Variants in CCDC180 observed in about 807,000 individuals in gnomAD.
CCDC180 encodes coiled-coil domain-containing protein 180.
A neutral mutation model predicts 209.2 loss-of-function variants in CCDC180; 154 were observed. The observed-to-expected ratio is 0.74, with a 90% CI of 0.65 to 0.84. The LOEUF (loss-of-function observed/expected upper bound fraction) is 0.84. Among genes scored for constraint, CCDC180 ranks in the 40% least tolerant of loss-of-function variants. The probability of loss-of-function intolerance (pLI) is 0.00; values close to 1 mark genes in which losing one functional copy is unlikely to be tolerated. For synonymous variants in CCDC180, 778 were observed against 749.1 expected (o/e 1.04, Z -0.63); for missense variants, 1,874 against 1,997.3 (o/e 0.94, Z 1.18).
In CCDC180 at chr9:97,376,849, C is replaced by T; in HGVS notation, c.4929C>T (p.Asp1643=). 1 of 1,613,102 alleles carries T rather than the reference C, an allele frequency of 6.2e-7. No individual in the cohort carries two copies. Among genetic ancestry groups the T allele is most frequent in the Non-Finnish European group, 8.5e-7 (1 of 1,179,950 alleles). The change falls in exon 37 of 37, where the codon GAC becomes GAT. Residue 1643 remains aspartate, a synonymous_variant. Coordinates refer to ENST00000529487, the MANE Select transcript of CCDC180 (RefSeq NM_020893.6). ...TAAAGGAGGCTCAGCGCTGGAAGGACAGCTGGAAGCAGTCCCTGCACACTA... is the reference window on the plus strand; with the variant it reads ...TAAAGGAGGCTCAGCGCTGGAAGGATAGCTGGAAGCAGTCCCTGCACACTA... ...SQIKEAQRWK[D]SWKQSLHTIQ...
At chr9:97,376,538 A>C (rs1827264184) in intron 36 of CCDC180, 3 of 451,482 alleles carry the variant, frequency 6.6e-6, no homozygotes, top group Non-Finnish European at 1.2e-5. Flanking sequence ...GCCTCCTTCT[A>C]GCTGGGTGAC....
In CCDC180 at chr9:97,366,668, A is replaced by T. The variant is rs1019177689; in HGVS notation, c.4157A>T (p.Gln1386Leu). 6.2e-7 allele frequency: 1 copy of T among 1,614,094 alleles called. No individual in the cohort carries two copies. Among genetic ancestry groups the T allele is most frequent in the Admixed American group, 1.7e-5 (1 of 60,004 alleles). Residue 1386 changes from glutamine to leucine, a missense_variant, in exon 31 of 37, where the codon CAG (glutamine) becomes CTG (leucine). By Grantham distance (113) the Gln-to-Leu change is moderately radical. Transcript: ENST00000529487. This position sits in a 1 kb window ranked among gnomAD's most constrained non-coding sequence, Gnocchi z 4.3. ...ISKKILEYQS[Q>L]ANKYHNSCLI... ...AAAAAGATCCTGGAGTATCAGAGCCAGGCAAATAAGTACCACAACTCCTGC... is the reference window on the plus strand; with the variant it reads ...AAAAAGATCCTGGAGTATCAGAGCCTGGCAAATAAGTACCACAACTCCTGC...
At chr9:97,375,242 G>C (rs1371273113) in intron 35 of CCDC180, among the ~76,000 whole-genome samples, 4 of 152,120 alleles carry the variant, frequency 2.6e-5, no homozygotes, top group African/African-American at 9.7e-5. Context: ...CAGAACCCCA[G>C]ACCGTGCACA....
chr9:97,308,141 C>G lies in CCDC180; in HGVS notation c.69+9C>G, dbSNP rs1832858745. 6.3e-7 allele frequency: 1 copy of G among 1,586,144 alleles called. No individual in the cohort carries two copies. The highest frequency in any genetic ancestry group is 8.6e-7 in the Non-Finnish European group (1 of 1,166,790). On this transcript the variant is annotated intron_variant, in intron 2 of 36. Coordinates refer to ENST00000529487, the MANE Select transcript of CCDC180 (RefSeq NM_020893.6). ...AGATCTTCCAGGCTGAGGTAGGAGC[C>G]GCCCTCTGTCCCGCTTTTCTCCATC... is the stretch of plus-strand genomic sequence containing the variant.
At chr9:97,367,225 T>C (rs1042248132) in intron 31 of CCDC180, among the ~76,000 whole-genome samples, 1 of 152,244 alleles carries the variant, frequency 6.6e-6, no homozygotes, top group Non-Finnish European at 1.5e-5. Flanking sequence ...TTGCATAATA[T>C]TTCAAGGTTT....
At chr9:97,363,814 C>T (rs993043813) in intron 28 of CCDC180, 1 of 575,102 alleles carries the variant, frequency 1.7e-6, no homozygotes, top group South Asian at 2.1e-5. Flanking sequence ...TGCCCTCTCA[C>T]AGCAGCTGTG....
chr9:97,365,426 T>A (rs1826890622), intron 29 of CCDC180: 1 of 467,438 alleles, frequency 2.1e-6, no homozygotes, highest in African/African-American at 2.0e-5. Context: ...TAAAGCCAGG[T>A]GGTCAGAAAT....
At chr9:97,340,792 G>A (rs1025297658) in intron 18 of CCDC180, among the ~76,000 whole-genome samples, 2 of 152,184 alleles carry the variant, frequency 1.3e-5, no homozygotes, top group African/African-American at 4.8e-5. Flanking sequence ...AGCAGACCAG[G>A]AAAGGGAGTC....
intron 18 of CCDC180, among the ~76,000 whole-genome samples, chr9:97,340,931 G>A (rs1435949053): frequency 6.6e-6 from 1 of 152,178 alleles, no homozygotes; most frequent in Admixed American, 6.5e-5. Context: ...TGCTTCAGTG[G>A]TCACGCTCCT....
intron 19 of CCDC180, among the ~76,000 whole-genome samples, chr9:97,346,236 A>G (rs1187213881): frequency 6.6e-6 from 1 of 152,198 alleles, no homozygotes; most frequent in African/African-American, 2.4e-5. Context: ...TTAATATCTG[A>G]TAGTGTAAGT....
At position 97,332,032 on chromosome 9, in the gene CCDC180, C is replaced by A. The variant is rs547052350; in HGVS notation, c.2274+1265C>A. On this transcript the variant is annotated intron_variant, in intron 18 of 36. Coordinates refer to ENST00000529487, the MANE Select transcript of CCDC180 (RefSeq NM_020893.6). Reference sequence around the variant, plus strand: ...CTTCCAGGGTTTTTATAGTTTTAGGCTTTACATTTAAGTATTTAATTCATC... The same window carrying A: ...CTTCCAGGGTTTTTATAGTTTTAGGATTTACATTTAAGTATTTAATTCATC... 7.2e-5 allele frequency among the ~76,000 whole-genome samples: 11 copies of A among 152,170 alleles called. No individual in the cohort carries two copies. In the South Asian group the frequency reaches 2.3e-3, roughly 32 times the overall value.
chr9:97,326,121 A>G (rs950440136), intron 14 of CCDC180, among the ~76,000 whole-genome samples: 6 of 152,332 alleles, frequency 3.9e-5, no homozygotes, highest in East Asian at 3.9e-4. Flanking sequence ...AACTGGGGCA[A>G]TCTCCTGCCT....
Position 97,325,174 on chromosome 9 carries a change from G to A in CCDC180, c.1527G>A (p.Lys509=), listed in dbSNP as rs1833491051. 1 of 1,600,336 alleles carries A rather than the reference G, an allele frequency of 6.2e-7. No individual in the cohort carries two copies. Among genetic ancestry groups the A allele is most frequent in the Non-Finnish European group, 8.5e-7 (1 of 1,173,302 alleles). The change falls in exon 14 of 37, where the codon AAG becomes AAA. Residue 509 remains lysine, a synonymous_variant. Coordinates refer to ENST00000529487, the MANE Select transcript of CCDC180 (RefSeq NM_020893.6). The stretch of plus-strand genomic sequence containing the variant: ...AGAGGATGGAGCAGCACCGGCAGAA[G>A]CACAGCCTGGAGAGCCAGGTGAGAC... ...LEKRMEQHRQ[K]HSLESQVQEA... is the part of the protein sequence containing the mutation.
In CCDC180 at chr9:97,357,808, G is replaced by A. The variant is rs1481400600; in HGVS notation, c.3363+83G>A. On this transcript the variant is annotated intron_variant, in intron 25 of 36. Transcript: ENST00000529487. ...AAATGTGAAATAAATTTACCTGTGT[G>A]TATAGGATTTCTCCAGCACAAGGTT... The A allele has an allele frequency of 5.2e-6, 6 of 1,154,340 alleles. No homozygotes were observed. In the South Asian group the frequency reaches 7.0e-5, roughly 13 times the overall value. 71.5% of individuals were successfully genotyped at this position (1,154,340 alleles called of 1,614,324 possible).
At chr9:97,361,655 A>G in intron 26 of CCDC180, 71 bp from the exon 27 acceptor site, 2 of 1,521,834 alleles carry the variant, frequency 1.3e-6, no homozygotes, top group Non-Finnish European at 1.8e-6. Context: ...AGGGAACATG[A>G]ATTCGGCCTG....
At chr9:97,368,371 G>A (rs1826984733) in intron 31 of CCDC180, among the ~76,000 whole-genome samples, 1 of 152,150 alleles carries the variant, frequency 6.6e-6, no homozygotes, top group African/African-American at 2.4e-5. Flanking sequence ...TTGGGAACAA[G>A]AGACAAATCC....
Position 97,309,565 on chromosome 9 carries a change from T to A in CCDC180, c.221T>A (p.Leu74His). 1 of 1,590,806 alleles carries A rather than the reference T, an allele frequency of 6.3e-7. No homozygotes were observed. The highest frequency in any genetic ancestry group is 8.5e-7 in the Non-Finnish European group (1 of 1,170,134). ...SPRQQKWMHSLPNDWIMENPV... is the reference protein window; with the variant it reads ...SPRQQKWMHSHPNDWIMENPV... ...CGACAGCAGAAGTGGATGCACAGCC[T>A]CCCCAACGACTGGATCATGGAAAAC... is the stretch of plus-strand genomic sequence containing the variant. The change falls in exon 3 of 37, where the codon CTC becomes CAC. Residue 74 changes from leucine to histidine, a missense_variant. By Grantham distance (99) the Leu-to-His change is moderately conservative (BLOSUM62 -3). Coordinates refer to ENST00000529487, the MANE Select transcript of CCDC180 (RefSeq NM_020893.6).
At chr9:97,312,480 A>G (rs536527347) in intron 4 of CCDC180, among the ~76,000 whole-genome samples, 1 of 152,314 alleles carries the variant, frequency 6.6e-6, no homozygotes, top group African/African-American at 2.4e-5. Flanking sequence ...GCAGGTTCCC[A>G]ACAGTATTTC....
In CCDC180 at chr9:97,317,231, C is replaced by A; in HGVS notation, c.959+3C>A. On this transcript the variant is annotated splice_donor_region_variant and intron_variant, in intron 9 of 36. Coordinates refer to ENST00000529487, the MANE Select transcript of CCDC180 (RefSeq NM_020893.6). ...GAGGCCCTGCTGCAGAGTTTCAGGTCAGTGCCGCCCACACAGCTCCTTCTC... is the reference window on the plus strand; with the variant it reads ...GAGGCCCTGCTGCAGAGTTTCAGGTAAGTGCCGCCCACACAGCTCCTTCTC... 6.4e-7 allele frequency: 1 copy of A among 1,574,014 alleles called. No homozygotes were observed. The highest frequency in any genetic ancestry group is 1.1e-5 in the South Asian group (1 of 87,752).
Sources: gnomAD v4.1 joint callset for allele counts (sites outside exome capture counted in the v4.1 genomes callset) on GRCh38, gnomAD v4.1.1 for gene constraint, Gnocchi (gnomAD v3.1) non-coding constraint, MANE v1.5 for transcripts, NCBI Gene and HGNC (gene_info 2026-07-23, HGNC 2026-07-21) for gene names.